R3HDM1: variants seen among roughly 807,000 people sequenced by gnomAD.
R3HDM1 encodes the protein R3H domain containing 1, also known as R3H domain-containing protein 1.
A neutral mutation model predicts 141.1 loss-of-function variants in R3HDM1; 46 were observed. The ratio of observed to expected loss-of-function variants is 0.33; its 90% CI spans 0.26 to 0.42. The LOEUF is 0.42. R3HDM1 is among the 10% of genes least tolerant of loss of function. R3HDM1 has a pLI of 1.00. For synonymous variants in R3HDM1, 435 were observed against 472.9 expected (o/e 0.92, Z 1.04); for missense variants, 1,184 against 1,368.3 (o/e 0.87, Z 2.12).
Position 135,538,108 on chromosome 2 carries a change from A to G in R3HDM1, c.-250+6475A>G, listed in dbSNP as rs778033988. 3.9e-4 allele frequency among the ~76,000 whole-genome samples: 59 copies of G among 152,228 alleles called. 1 individual carries two copies. Among genetic ancestry groups the G allele is most frequent in the African/African-American group, 1.4e-3 (58 of 41,452 alleles). On this transcript the variant is annotated intron_variant, in intron 1 of 26. Coordinates refer to ENST00000683871, the MANE Select transcript of R3HDM1 (RefSeq NM_001378107.1). ...ACAAAACTACATGGTATATAGCCTT[A>G]TAGATATCTAAGTTATATGATATGT...
At chr2:135,561,282 T>G (rs1476239208) in intron 1 of R3HDM1, 1 of 984,780 alleles carries the variant, frequency 1.0e-6, no homozygotes, top group East Asian at 1.1e-4. Flanking sequence ...CCTGATTACA[T>G]TTTATCTGTT....
chr2:135,636,053 G>T, intron 10 of R3HDM1, 35 bp from the exon 11 acceptor site: 1 of 1,610,744 alleles, frequency 6.2e-7, no homozygotes, highest in Non-Finnish European at 8.5e-7. Context: ...TATACCAGTA[G>T]TTCATTTGCC....
intron 1 of R3HDM1, chr2:135,536,416 G>A: frequency 2.2e-6 from 1 of 464,016 alleles, no homozygotes; most frequent in Non-Finnish European, 2.8e-6. Flanking sequence ...CAAAGTGCTG[G>A]AATTACAGGC....
At chr2:135,630,485 G>A (rs13414837) in intron 7 of R3HDM1, among the ~76,000 whole-genome samples, 2 of 151,976 alleles carry the variant, frequency 1.3e-5, no homozygotes, top group Admixed American at 1.3e-4. Flanking sequence ...TCACCAAGTA[G>A]ACATGTTTTT....
At chr2:135,613,645 GTC>G (rs1420777268) in intron 3 of R3HDM1, among the ~76,000 whole-genome samples, 1 of 152,098 alleles carries the variant, frequency 6.6e-6, no homozygotes, top group African/African-American at 2.4e-5. Context: ...GTGAAACCCT[GTC>G]TCTACTAAAA....
chr2:135,570,371 T>A (rs1190264193), intron 1 of R3HDM1, among the ~76,000 whole-genome samples: 1 of 152,232 alleles, frequency 6.6e-6, no homozygotes, highest in African/African-American at 2.4e-5. Context: ...AATATTGCCT[T>A]CTACTTTGTG....
chr2:135,577,314 C>A, intron 1 of R3HDM1: 2 of 643,902 alleles, frequency 3.1e-6, no homozygotes, highest in Non-Finnish European at 3.8e-6. Flanking sequence ...ATACCTTAGC[C>A]AAAAGGCCTA....
At chr2:135,577,150 A>G in intron 1 of R3HDM1, 15 of 981,054 alleles carry the variant, frequency 1.5e-5, no homozygotes, top group Non-Finnish European at 1.7e-5. Flanking sequence ...TTTGTGTATG[A>G]AAAAGGCTTT....
At chr2:135,591,771 G>A (rs1002803479) in intron 1 of R3HDM1, among the ~76,000 whole-genome samples, 1 of 152,116 alleles carries the variant, frequency 6.6e-6, no homozygotes, top group African/African-American at 2.4e-5. Flanking sequence ...TAATTGACTA[G>A]AATAACTCAA....
intron 21 of R3HDM1, among the ~76,000 whole-genome samples, chr2:135,700,406 A>G (rs1414997310): frequency 2.0e-5 from 3 of 152,202 alleles, no homozygotes; most frequent in African/African-American, 7.2e-5. Context: ...AGGCTGCTAT[A>G]GTTCACAAAT....
At position 135,646,920 on chromosome 2, in the gene R3HDM1, C is replaced by T. The variant is rs537005339; in HGVS notation, c.1623+1393C>T. 2.7e-5 allele frequency among the ~76,000 whole-genome samples: 4 copies of T among 149,698 alleles called. No individual in the cohort carries two copies. In the East Asian group the frequency reaches 7.8e-4, roughly 29 times the overall value. ...GAAGAAGTATGATGATAAACTTGAA[C>T]TGGAGAAATTTCATTAATTTTGCTC... On this transcript the variant is annotated intron_variant, in intron 16 of 26. Transcript: ENST00000683871.
intron 1 of R3HDM1, chr2:135,536,430 A>G: frequency 1.7e-6 from 1 of 578,534 alleles, no homozygotes. Context: ...TACAGGCATA[A>G]GCCACTGCAC....
At chr2:135,668,236 T>G (rs917335186) in intron 19 of R3HDM1, among the ~76,000 whole-genome samples, 2 of 152,206 alleles carry the variant, frequency 1.3e-5, no homozygotes, top group Non-Finnish European at 2.9e-5. Flanking sequence ...TTTATTTTCT[T>G]TTTCATTGGA....
chr2:135,586,146 G>A (rs955701195), intron 1 of R3HDM1: 3 of 152,122 alleles, frequency 2.0e-5, no homozygotes, highest in Non-Finnish European at 4.4e-5. Context: ...TTTTAATAGC[G>A]AGAAATCTCA....
intron 21 of R3HDM1, among the ~76,000 whole-genome samples, chr2:135,701,648 A>G (rs1228563189): frequency 1.3e-5 from 2 of 152,200 alleles, no homozygotes; most frequent in Admixed American, 1.3e-4. Context: ...TCAGGAGCAA[A>G]GAGTGTCCAT....
At chr2:135,692,683 T>TA (rs34473089) in intron 21 of R3HDM1, among the ~76,000 whole-genome samples, 13 of 151,030 alleles carry the variant, frequency 8.6e-5, no homozygotes, top group South Asian at 2.1e-4. Flanking sequence ...TGAGACTCTT[T>TA]AAAAAAAAAG....
At chr2:135,570,727 A>G (rs1703917577) in intron 1 of R3HDM1, among the ~76,000 whole-genome samples, 1 of 152,266 alleles carries the variant, frequency 6.6e-6, no homozygotes, top group Admixed American at 6.5e-5. Flanking sequence ...ATTATGTGTA[A>G]TAAAGCTTCT....
At chr2:135,669,702 C>G (rs1422726097) in intron 19 of R3HDM1, 2 of 433,532 alleles carry the variant, frequency 4.6e-6, no homozygotes, top group African/African-American at 4.3e-5. Flanking sequence ...CCTCTCTGTG[C>G]CTTTTGTTTC....
intron 21 of R3HDM1, among the ~76,000 whole-genome samples, chr2:135,705,187 A>G (rs551572969): frequency 4.6e-5 from 7 of 152,228 alleles, no homozygotes; most frequent in East Asian, 1.9e-4. Context: ...GGCTGTTTAC[A>G]CTTTGAATTA....
Sources: gnomAD v4.1 joint callset for allele counts (sites outside exome capture counted in the v4.1 genomes callset) on GRCh38, gnomAD v4.1.1 for gene constraint, MANE v1.5 for transcripts, NCBI Gene and HGNC (gene_info 2026-07-23, HGNC 2026-07-21) for gene names.